Variants in RNLS observed in about 807,000 individuals in gnomAD.
RNLS encodes renalase, FAD dependent amine oxidase, also known as renalase.
A neutral mutation model predicts 39.8 loss-of-function variants in RNLS; 39 were observed. The ratio of observed to expected loss-of-function variants is 0.98; its 90% CI spans 0.76 to 1.28. RNLS has a LOEUF of 1.28. RNLS is among the 50% of genes most tolerant of loss of function. RNLS has a pLI of 0.00. For synonymous variants in RNLS, 147 were observed against 150.7 expected (o/e 0.98, Z 0.18); for missense variants, 410 against 413.3 (o/e 0.99, Z 0.07).
downstream of RNLS, among the ~76,000 whole-genome samples, chr10:88,273,026 G>T (rs1040172721): frequency 6.6e-6 from 1 of 152,156 alleles, no homozygotes; most frequent in African/African-American, 2.4e-5. Flanking sequence ...CCAGGGTTGG[G>T]ATGCACTGTT....
intron 6 of RNLS, among the ~76,000 whole-genome samples, chr10:88,293,035 G>A (rs1476584191): frequency 1.3e-5 from 2 of 152,064 alleles, no homozygotes; most frequent in Non-Finnish European, 2.9e-5. Flanking sequence ...GTGACAGAGT[G>A]AGACTCTGTC....
chr10:88,353,652 A>G (rs1273212771), intron 5 of RNLS, among the ~76,000 whole-genome samples: 1 of 152,200 alleles, frequency 6.6e-6, no homozygotes, highest in Non-Finnish European at 1.5e-5. Context: ...ATTTTGGAAT[A>G]GGTGCAGTGT....
the RNLS span, among the ~76,000 whole-genome samples, chr10:88,186,896 A>G: frequency 1.3e-5 from 2 of 152,030 alleles, no homozygotes; most frequent in Non-Finnish European, 2.9e-5. Flanking sequence ...GTTCAGGTAT[A>G]CTTTCTAGAG....
chr10:88,260,153 C>A, the RNLS span, among the ~76,000 whole-genome samples: 1 of 152,148 alleles, frequency 6.6e-6, no homozygotes, highest in Non-Finnish European at 1.5e-5. Flanking sequence ...CTGCCTGTGA[C>A]CAATCCCCCT....
intron 4 of RNLS, among the ~76,000 whole-genome samples, chr10:88,473,841 C>G (rs892993149): frequency 4.6e-5 from 7 of 151,790 alleles, no homozygotes; most frequent in African/African-American, 1.7e-4. Context: ...ATATATTTTT[C>G]TCTCCTCTCT....
chr10:88,314,230 A>C (rs1845586837), intron 6 of RNLS, among the ~76,000 whole-genome samples: 1 of 152,190 alleles, frequency 6.6e-6, no homozygotes, highest in South Asian at 2.1e-4. Flanking sequence ...GTAAGTCTTG[A>C]GATGCTTGAA....
chr10:88,253,027 GC>G, the RNLS span, among the ~76,000 whole-genome samples: 1 of 152,174 alleles, frequency 6.6e-6, no homozygotes, highest in Non-Finnish European at 1.5e-5. Flanking sequence ...CTCACTCAAA[GC>G]CCTTAGGCTG....
intron 5 of RNLS, among the ~76,000 whole-genome samples, chr10:88,348,295 C>T (rs1304466924): frequency 6.6e-6 from 1 of 152,132 alleles, no homozygotes; most frequent in African/African-American, 2.4e-5. Flanking sequence ...GATTCTCATT[C>T]CTGCTTTCCC....
intron 4 of RNLS, among the ~76,000 whole-genome samples, chr10:88,514,661 T>C (rs1385739832): frequency 6.6e-6 from 1 of 152,108 alleles, no homozygotes; most frequent in Non-Finnish European, 1.5e-5. Flanking sequence ...TGGAATCATG[T>C]AGTATATGTC....
At chr10:88,420,295 G>A (rs1240977637) in intron 4 of RNLS, among the ~76,000 whole-genome samples, 1 of 152,108 alleles carries the variant, frequency 6.6e-6, no homozygotes, top group Non-Finnish European at 1.5e-5. Flanking sequence ...AAGACGTACA[G>A]TCCATTAAAT....
chr10:88,274,828 A>G (rs993307840), exon 7 of RNLS: 3 of 642,228 alleles, frequency 4.7e-6, no homozygotes, highest in African/African-American at 1.8e-5. Context: ...AGGGAATCCA[A>G]TATCTCCACA....
intron 4 of RNLS, among the ~76,000 whole-genome samples, chr10:88,487,756 C>T (rs937334879): frequency 2.0e-5 from 3 of 151,768 alleles, no homozygotes; most frequent in South Asian, 4.1e-4. Flanking sequence ...AAAGAAAATA[C>T]ATGTTCATAC....
intron 4 of RNLS, among the ~76,000 whole-genome samples, chr10:88,455,856 G>T (rs758767003): frequency 6.6e-6 from 1 of 151,956 alleles, no homozygotes; most frequent in Non-Finnish European, 1.5e-5. Flanking sequence ...AACAAAAATC[G>T]CTTTATCCCA....
intron 4 of RNLS, among the ~76,000 whole-genome samples, chr10:88,456,858 T>A (rs1842656513): frequency 6.6e-6 from 1 of 152,226 alleles, no homozygotes; most frequent in Non-Finnish European, 1.5e-5. Context: ...CTTTGTGGTG[T>A]ACCTCACCAT....
chr10:88,304,733 A>C (rs1844799527), intron 6 of RNLS, among the ~76,000 whole-genome samples: 1 of 152,176 alleles, frequency 6.6e-6, no homozygotes. Context: ...TCCCTGAAAG[A>C]GATGAAAAGA....
At chr10:88,350,737 G>T (rs957562580) in intron 5 of RNLS, among the ~76,000 whole-genome samples, 1 of 152,096 alleles carries the variant, frequency 6.6e-6, no homozygotes, top group Non-Finnish European at 1.5e-5. Context: ...ATTCCTTTGG[G>T]TATACACCCA....
At chr10:88,428,270 C>G (rs7910594) in intron 4 of RNLS, among the ~76,000 whole-genome samples, 105,912 of 151,862 alleles carry the variant, frequency 0.7, 37,814 homozygotes, top group African/African-American at 0.86. Flanking sequence ...AGAAAACACA[C>G]TTTTGCATTT....
At chr10:88,437,906 C>T (rs950681149) in intron 4 of RNLS, among the ~76,000 whole-genome samples, 2 of 152,062 alleles carry the variant, frequency 1.3e-5, no homozygotes, top group East Asian at 3.9e-4. Flanking sequence ...GTGGGCAGAT[C>T]ACCTGAGGTT....
chr10:88,524,954 C>CAA (rs1244259341), intron 4 of RNLS, among the ~76,000 whole-genome samples: 1 of 77,934 alleles, frequency 1.3e-5, no homozygotes, highest in African/African-American at 4.4e-5. Flanking sequence ...ATATGGCACA[C>CAA]ACATACATAT....
Sources: allele counts gnomAD v4.1 joint callset (sites outside exome capture counted in the v4.1 genomes callset), GRCh38; gene constraint gnomAD v4.1.1; transcripts MANE v1.5; gene names NCBI Gene and HGNC (gene_info 2026-07-23, HGNC 2026-07-21).